The following GRID2 variants were observed in gnomAD, a reference collection of about 807,000 sequenced individuals.
GRID2 encodes the protein glutamate ionotropic receptor delta type subunit 2.
GRID2 carries 33 observed loss-of-function variants against 114.8 expected under a neutral mutation model. That is an observed-to-expected ratio of 0.29 (90% CI 0.22 to 0.38). GRID2 has a LOEUF of 0.38. Among genes scored for constraint, GRID2 ranks in the 10% least tolerant of loss-of-function variants. GRID2 has a pLI of 1.00. For missense variants in GRID2, 1,184 were observed against 1,257.7 expected (o/e 0.94, Z 0.89); for synonymous variants, 505 against 449.9 (o/e 1.12, Z -1.55).
In GRID2 at chr4:93,238,801, A is replaced by T. The variant is rs1051989445; in HGVS notation, c.1245+311A>T. 4.1e-4 allele frequency among the ~76,000 whole-genome samples: 62 copies of T among 151,782 alleles called. 1 individual carries two copies. The highest frequency in any genetic ancestry group is 1.5e-3 in the African/African-American group (61 of 41,492). On this transcript the variant is annotated intron_variant, in intron 8 of 15. Transcript: ENST00000282020. ...AAAATAGTAAATTTAATATTTATAC[A>T]CTTTGTAGCTGCTTGGTTTTTAACT...
intron 8 of GRID2, among the ~76,000 whole-genome samples, chr4:93,312,910 A>G (rs1756173395): frequency 6.6e-6 from 1 of 152,196 alleles, no homozygotes; most frequent in Non-Finnish European, 1.5e-5. Flanking sequence ...TAATTTATAT[A>G]AAAGAATATA....
chr4:92,732,970 T>G (rs1736400772), intron 2 of GRID2, among the ~76,000 whole-genome samples: 1 of 152,058 alleles, frequency 6.6e-6, no homozygotes. Flanking sequence ...CTAAGAAACT[T>G]TATGATTAAT....
At chr4:92,401,611 A>C (rs1262931071) in intron 1 of GRID2, among the ~76,000 whole-genome samples, 2 of 152,242 alleles carry the variant, frequency 1.3e-5, no homozygotes, top group Non-Finnish European at 2.9e-5. Context: ...TATGTCTACA[A>C]TATACTGTAG....
chr4:93,208,508 C>T (rs900121720), intron 5 of GRID2, among the ~76,000 whole-genome samples: 5 of 151,888 alleles, frequency 3.3e-5, no homozygotes, highest in Non-Finnish European at 5.9e-5. Context: ...AGATCATTCC[C>T]TTATATATTA....
At chr4:92,400,271 C>T (rs554909476) in intron 1 of GRID2, among the ~76,000 whole-genome samples, 2 of 152,068 alleles carry the variant, frequency 1.3e-5, no homozygotes, top group Non-Finnish European at 2.9e-5. Context: ...TTCACCTCTC[C>T]CTCCAGTTCC....
chr4:92,502,475 A>C (rs796401776), intron 1 of GRID2, among the ~76,000 whole-genome samples: 108 of 152,128 alleles, frequency 7.1e-4, no homozygotes, highest in African/African-American at 2.4e-3. Flanking sequence ...GTTTGATTAA[A>C]TATAACATAA....
chr4:92,731,950 A>T (rs904180870), intron 2 of GRID2, among the ~76,000 whole-genome samples: 7 of 151,916 alleles, frequency 4.6e-5, no homozygotes, highest in Admixed American at 3.9e-4. Flanking sequence ...ATTACCTATA[A>T]TTTTTTTAAA....
chr4:92,806,488 A>C (rs1740422289), intron 2 of GRID2, among the ~76,000 whole-genome samples: 1 of 151,838 alleles, frequency 6.6e-6, no homozygotes, highest in African/African-American at 2.4e-5. Flanking sequence ...TAAGAAAATA[A>C]GCCTTCTTTT....
At chr4:92,718,447 C>T (rs998718366) in intron 2 of GRID2, among the ~76,000 whole-genome samples, 2 of 151,912 alleles carry the variant, frequency 1.3e-5, no homozygotes, top group African/African-American at 4.8e-5. Flanking sequence ...TAGATGCACA[C>T]ATTTATTATA....
chr4:92,313,665 A>G (rs1725823963), intron 1 of GRID2, among the ~76,000 whole-genome samples: 2 of 152,076 alleles, frequency 1.3e-5, no homozygotes, highest in Admixed American at 1.3e-4. Flanking sequence ...CCAGGAGTAC[A>G]TGGTATTCTG....
chr4:93,063,761 G>A (rs555744948), intron 2 of GRID2, among the ~76,000 whole-genome samples: 16 of 151,774 alleles, frequency 1.1e-4, no homozygotes, highest in African/African-American at 3.4e-4. Flanking sequence ...AGACCTGTAA[G>A]CATTAATATC....
chr4:92,990,878 A>G (rs1341076677), intron 2 of GRID2, among the ~76,000 whole-genome samples: 1 of 152,114 alleles, frequency 6.6e-6, no homozygotes, highest in Non-Finnish European at 1.5e-5. Context: ...TAAAAAAGAC[A>G]AGTCTGAATG....
chr4:93,213,510 G>A (rs937048154), intron 5 of GRID2, among the ~76,000 whole-genome samples: 3 of 152,036 alleles, frequency 2.0e-5, no homozygotes, highest in African/African-American at 7.2e-5. Context: ...AATAAATTTT[G>A]TATTTATCAA....
chr4:92,985,891 A>G (rs544988035), intron 2 of GRID2, among the ~76,000 whole-genome samples: 1 of 152,324 alleles, frequency 6.6e-6, no homozygotes, highest in South Asian at 2.1e-4. Context: ...TATATGTGAT[A>G]GGTTCTACAT....
chr4:93,297,412 G>T (rs1754426327), intron 8 of GRID2, among the ~76,000 whole-genome samples: 1 of 152,128 alleles, frequency 6.6e-6, no homozygotes, highest in African/African-American at 2.4e-5. Flanking sequence ...TGAAAAAAGA[G>T]TAATTACTCA....
intron 2 of GRID2, among the ~76,000 whole-genome samples, chr4:92,956,010 C>A (rs182552799): frequency 3.9e-5 from 6 of 152,116 alleles, no homozygotes. Context: ...TGAGCCACTG[C>A]GCCTGGACTT....
chr4:93,798,109 C>T (rs945032985), intron 1 of GRID2, among the ~76,000 whole-genome samples: 1 of 152,044 alleles, frequency 6.6e-6, no homozygotes, highest in African/African-American at 2.4e-5. Flanking sequence ...GCCGAGATCG[C>T]ACCATCGCAA....
At chr4:92,720,930 A>C (rs1410133211) in intron 2 of GRID2, among the ~76,000 whole-genome samples, 3 of 152,142 alleles carry the variant, frequency 2.0e-5, no homozygotes, top group Admixed American at 1.3e-4. Context: ...AAAATGAACA[A>C]ACAAAATGTG....
intron 4 of GRID2, among the ~76,000 whole-genome samples, chr4:93,129,988 A>T (rs1466668418): frequency 6.6e-6 from 1 of 152,218 alleles, no homozygotes; most frequent in Admixed American, 6.5e-5. Context: ...CAAATTGACC[A>T]ATCTTTTCCC....
Sources: allele counts gnomAD v4.1 joint callset (sites outside exome capture counted in the v4.1 genomes callset), GRCh38; gene constraint gnomAD v4.1.1; transcripts MANE v1.5; gene names NCBI Gene and HGNC (gene_info 2026-07-23, HGNC 2026-07-21).